CORO7: variants seen among roughly 807,000 people sequenced by gnomAD.
The protein encoded by CORO7 is coronin 7.
CORO7 carries 107 observed loss-of-function variants against 126.6 expected under a neutral mutation model. The ratio of observed to expected loss-of-function variants is 0.85; its 90% CI spans 0.72 to 0.99. CORO7 has a LOEUF of 0.99. Among genes scored for constraint, CORO7 ranks in the 50% least tolerant of loss-of-function variants. CORO7 has a pLI of 0.00. For missense variants in CORO7, 1,314 were observed against 1,255.8 expected (o/e 1.05, Z -0.70); for synonymous variants, 603 against 536.8 (o/e 1.12, Z -1.70).
chr16:4,407,946 T>C (rs145791401), intron 4 of CORO7, among the ~76,000 whole-genome samples: 15 of 152,276 alleles, frequency 9.9e-5, no homozygotes, highest in Non-Finnish European at 2.2e-4. Flanking sequence ...CTACTGTTTC[T>C]GGCAGCATCC....
intron 9 of CORO7, among the ~76,000 whole-genome samples, chr16:4,379,899 AAT>A (rs2054889296): frequency 6.6e-6 from 1 of 151,012 alleles, no homozygotes; most frequent in African/African-American, 2.4e-5. Context: ...AAAAAAAAAA[AAT>A]ACAAAAATTA....
intron 26 of CORO7, chr16:4,355,635 A>AT: frequency 2.3e-6 from 1 of 427,660 alleles, no homozygotes. Flanking sequence ...TGCCCGGCTA[A>AT]TTTTTTGTAT....
chr16:4,408,345 G>T (rs1017867993), intron 3 of CORO7, 94 bp from the exon 4 acceptor site: 3 of 1,555,700 alleles, frequency 1.9e-6, no homozygotes, highest in Non-Finnish European at 2.6e-6. Flanking sequence ...ACTTTTGTGT[G>T]CACACAGAAA....
chr16:4,361,484 C>A lies in CORO7; in HGVS notation c.1579-15G>T. 6.2e-7 allele frequency: 1 copy of A among 1,610,278 alleles called. No individual in the cohort carries two copies. Among genetic ancestry groups the A allele is most frequent in the African/African-American group, 1.3e-5 (1 of 74,952 alleles). On this transcript the variant is annotated splice_polypyrimidine_tract_variant and intron_variant, in intron 16 of 27. Coordinates refer to ENST00000251166, the MANE Select transcript of CORO7 (RefSeq NM_024535.5). ...GGCTTCCGTAGCTGTGGGAGGTGCCCCCACCCCGAGGCCCATCAGTACCAG... is the reference window on the plus strand; with the variant it reads ...GGCTTCCGTAGCTGTGGGAGGTGCCACCACCCCGAGGCCCATCAGTACCAG...
chr16:4,403,060 C>T (rs1027450687), intron 6 of CORO7, among the ~76,000 whole-genome samples: 12 of 152,028 alleles, frequency 7.9e-5, no homozygotes, highest in African/African-American at 2.9e-4. Flanking sequence ...AGTCCCATGA[C>T]CCCCCACCCC....
chr16:4,405,241 G>A (rs2055953207), intron 6 of CORO7, among the ~76,000 whole-genome samples: 1 of 152,252 alleles, frequency 6.6e-6, no homozygotes, highest in Non-Finnish European at 1.5e-5. Context: ...CCTGAGGGTG[G>A]CGACATTAGG....
chr16:4,357,040 C>A lies in CORO7; in HGVS notation c.2685+128G>T, dbSNP rs903729119. 3.2e-6 allele frequency: 4 copies of A among 1,258,448 alleles called. No homozygotes were observed. In the African/African-American group the frequency reaches 4.5e-5, roughly 14 times the overall value. 78.0% of individuals were successfully genotyped at this position (1,258,448 alleles called of 1,614,324 possible). A position where few individuals can be genotyped will look rare whatever the true frequency, so the allele number is the denominator to read the frequency against. Reference sequence around the variant, plus strand: ...CTCTGGAAGGTCTCCCCACCAGGCTCTGGTGTGAAGGGGACGTGACATGTG... The same window carrying A: ...CTCTGGAAGGTCTCCCCACCAGGCTATGGTGTGAAGGGGACGTGACATGTG... On this transcript the variant is annotated intron_variant, in intron 26 of 27. Coordinates refer to ENST00000251166, the MANE Select transcript of CORO7 (RefSeq NM_024535.5).
Position 4,395,381 on chromosome 16 carries a change from G to C in CORO7, c.565-42C>G, listed in dbSNP as rs1164419280. The C allele has an allele frequency of 3.1e-6, 5 of 1,613,126 alleles. No homozygotes were observed. In the African/African-American group the frequency reaches 6.7e-5, roughly 22 times the overall value. On this transcript the variant is annotated intron_variant, in intron 6 of 27. Transcript: ENST00000251166. ...GAGGAAACAACTTGCGATTAGGGCT[G>C]GAGGGTCCCTGGAAGCCAGCCTGCT...
At chr16:4,373,320 C>T (rs895988648) in intron 9 of CORO7, among the ~76,000 whole-genome samples, 1 of 152,106 alleles carries the variant, frequency 6.6e-6, no homozygotes. Context: ...GATGCGCACA[C>T]ACATGCCAGC....
In CORO7 at chr16:4,361,202, G is replaced by A. The variant is rs1567247400; in HGVS notation, c.1734C>T (p.Gly578=). ...RIRLWRVPAE[G]LEEVLTTPET... ...CTGGCGTGGTGAGCACCTCTTCCAG[G>A]CCCTCTGCGGGTACCCGCCACAGTC... The change falls in exon 18 of 28, where the codon GGC becomes GGT. Residue 578 remains glycine (G), a synonymous_variant. Transcript: ENST00000251166. 10 of 1,611,818 alleles carry A rather than the reference G, an allele frequency of 6.2e-6. No homozygotes were observed. The highest frequency in any genetic ancestry group is 8.5e-6 in the Non-Finnish European group (10 of 1,179,970).
At position 4,365,006 on chromosome 16, in the gene CORO7, G is replaced by A; in HGVS notation, c.895C>T (p.Pro299Ser). 3.1e-6 allele frequency: 5 copies of A among 1,606,340 alleles called. No individual in the cohort carries two copies. Among genetic ancestry groups the A allele is most frequent in the Non-Finnish European group, 4.2e-6 (5 of 1,176,932 alleles). ...GGGGCGAGGAAGCAAGGCTTACCTG[G>A]GCTCAGCGCCGGCTGCTGCGGGACC... ...EVVPQQPALSPVTQCVLESVL... is the reference protein window; with the variant it reads ...EVVPQQPALSSVTQCVLESVL... The change falls in exon 11 of 28, where the codon CCA becomes TCA. Residue 299 changes from proline to serine, a missense_variant. Coordinates refer to ENST00000251166, the MANE Select transcript of CORO7 (RefSeq NM_024535.5).
At chr16:4,360,883 TCTCCACACTGCTGGCCCC>T in intron 19 of CORO7, 42 bp downstream of exon 19, 4 of 340,112 alleles carry the variant, frequency 1.2e-5, no homozygotes, top group African/African-American at 4.0e-5. Context: ...TGGCCCCACC[TCTCCACACTGCTGGCCCC>T]GCCTCTCCAC....
chr16:4,364,180 T>C (rs1366705303), intron 14 of CORO7, 96 bp downstream of exon 14: 23 of 1,377,830 alleles, frequency 1.7e-5, no homozygotes, highest in Non-Finnish European at 2.1e-5. Context: ...AGTGAGACAC[T>C]GTCTCAAAAA....
At chr16:4,367,582 G>A (rs908360224) in intron 9 of CORO7, among the ~76,000 whole-genome samples, 3 of 152,184 alleles carry the variant, frequency 2.0e-5, no homozygotes, top group Non-Finnish European at 4.4e-5. Flanking sequence ...GACACACAGT[G>A]ACAGAGCAGG....
chr16:4,386,416 T>G (rs1307402065), intron 9 of CORO7, among the ~76,000 whole-genome samples: 1 of 152,144 alleles, frequency 6.6e-6, no homozygotes, highest in African/African-American at 2.4e-5. Context: ...AAGTGACTGG[T>G]GCCAGGTCCC....
At chr16:4,402,699 T>C (rs962193862) in intron 6 of CORO7, among the ~76,000 whole-genome samples, 18 of 152,130 alleles carry the variant, frequency 1.2e-4, no homozygotes, top group African/African-American at 4.1e-4. Flanking sequence ...AAACCAGGGT[T>C]CAGAGTGGGC....
chr16:4,377,024 GGCACCACGA>G (rs780689219), intron 9 of CORO7, among the ~76,000 whole-genome samples: 19 of 152,166 alleles, frequency 1.2e-4, no homozygotes, highest in African/African-American at 3.6e-4. Flanking sequence ...CCCAGACACA[GGCACCACGA>G]GCACCACGAG....
chr16:4,397,738 C>A (rs576844259), intron 6 of CORO7, among the ~76,000 whole-genome samples: 97 of 152,080 alleles, frequency 6.4e-4, no homozygotes, highest in African/African-American at 2.0e-3. Context: ...CTCAGCCTCC[C>A]GAGTAGCTGG....
intron 7 of CORO7, among the ~76,000 whole-genome samples, chr16:4,394,508 G>C (rs927017654): frequency 1.3e-5 from 2 of 149,636 alleles, no homozygotes; most frequent in Non-Finnish European, 3.0e-5. Flanking sequence ...CCATGGGCCC[G>C]TATCCCCCAG....
Sources: allele counts gnomAD v4.1 joint callset (sites outside exome capture counted in the v4.1 genomes callset), GRCh38; gene constraint gnomAD v4.1.1; transcripts MANE v1.5; gene names NCBI Gene and HGNC (gene_info 2026-07-23, HGNC 2026-07-21).